DMD: variants seen among roughly 807,000 people sequenced by gnomAD.
DMD encodes dystrophin, also known as mutant dystrophin.
A neutral mutation model predicts 330.1 loss-of-function variants in DMD; 63 were observed. The ratio of observed to expected loss-of-function variants is 0.19; its 90% confidence interval spans 0.16 to 0.24. The LOEUF is 0.24. Ranked by LOEUF, DMD falls within the 10% of genes least tolerant of loss-of-function variation. The pLI is 1.00. For synonymous variants in DMD, 1,223 were observed against 959.8 expected, an observed-to-expected ratio of 1.27 and a Z score of -5.07; for missense variants, 3,344 against 2,684.1, an observed-to-expected ratio of 1.25 and a Z score of -5.43.
At position 32,001,097 on chromosome X, in the gene DMD, G is replaced by T. The variant is rs375579370; in HGVS notation, c.6439-32583C>A. ...TGCTTTTACCTATCAGTGGTTTCCA[G>T]GGGCTGGGGTGGGGCAGGAGACTGA... On this transcript the variant is annotated intron_variant, in intron 44 of 78. Transcript: ENST00000357033. Among the ~76,000 whole-genome samples, 4 of 111,499 alleles carry T rather than the reference G, an allele frequency of 3.6e-5. No individual in the cohort carries two copies. The East Asian group carries it at 1.1e-3, about 32-fold the overall frequency.
chrX:31,161,821 T>C (rs2038846035), intron 74 of DMD, among the ~76,000 whole-genome samples: 1 of 111,581 alleles, frequency 9.0e-6, no homozygotes, highest in South Asian at 3.8e-4. Flanking sequence ...CACCTGCTTA[T>C]AGGATAAAAC....
intron 7 of DMD, among the ~76,000 whole-genome samples, chrX:32,704,328 G>T (rs1248951576): frequency 1.1e-5 from 1 of 90,281 alleles, no homozygotes; most frequent in Non-Finnish European, 1.9e-5. Flanking sequence ...CTCACCCCAA[G>T]AAAGTCAATG....
chrX:32,731,343 C>T (rs1365788837), intron 7 of DMD, among the ~76,000 whole-genome samples: 2 of 112,463 alleles, frequency 1.8e-5, no homozygotes, highest in Non-Finnish European at 3.8e-5. Context: ...GGAGGGGCAC[C>T]CGCCATTGCC....
chrX:31,203,589 C>G (rs2043751551), intron 67 of DMD, among the ~76,000 whole-genome samples: 1 of 112,057 alleles, frequency 8.9e-6, no homozygotes, highest in African/African-American at 3.2e-5. Flanking sequence ...TGAAAGGAGG[C>G]TATAATGATA....
In DMD at chrX:32,484,959, G is replaced by C. The variant is rs1388980111; in HGVS notation, c.2763C>G (p.Val921=). ...FVAFTNHFKQ[V]FSDVQAREKE... Reference sequence around the variant, plus strand: ...TCTCTCTGGCCTGCACATCAGAAAAGACTTGCTTAAAATGATTTGTAAAGG... The same window carrying C: ...TCTCTCTGGCCTGCACATCAGAAAACACTTGCTTAAAATGATTTGTAAAGG... Residue 921 remains valine, a synonymous_variant, in exon 21 of 79, where the codon GTC becomes GTG. Transcript: ENST00000357033. 8.3e-7 allele frequency: 1 copy of C among 1,211,445 alleles called. No individual in the cohort carries two copies. The highest frequency in any genetic ancestry group is 1.1e-6 in the Non-Finnish European group (1 of 895,391).
intron 34 of DMD, among the ~76,000 whole-genome samples, chrX:32,367,121 A>C (rs1262306380): frequency 8.9e-6 from 1 of 112,054 alleles, no homozygotes; most frequent in Admixed American, 9.5e-5. Context: ...GAAGTCTCTC[A>C]TTTGGGTAGA....
chrX:32,656,818 T>G (rs186811634), intron 9 of DMD, among the ~76,000 whole-genome samples: 4 of 112,069 alleles, frequency 3.6e-5, no homozygotes, highest in African/African-American at 1.3e-4. Flanking sequence ...ATTTCTTATT[T>G]AAGGTCATTT....
chrX:31,543,146 T>A (rs1213808432), intron 55 of DMD, among the ~76,000 whole-genome samples: 5 of 110,353 alleles, frequency 4.5e-5, no homozygotes, highest in African/African-American at 6.6e-5. Flanking sequence ...GTTTTTTTTT[T>A]AATTTATTTT....
intron 2 of DMD, among the ~76,000 whole-genome samples, chrX:32,872,018 G>A (rs190270573): frequency 9.0e-5 from 10 of 110,906 alleles, no homozygotes; most frequent in Non-Finnish European, 1.5e-4. Context: ...AAAAGGACAC[G>A]AGAGAGGACA....
chrX:31,964,492 G>T (rs1189029579), intron 45 of DMD, among the ~76,000 whole-genome samples: 1 of 111,029 alleles, frequency 9.0e-6, no homozygotes, highest in African/African-American at 3.3e-5. Context: ...ATAATAAACA[G>T]GCATGGTTAT....
chrX:31,249,278 G>A (rs1217134894), intron 63 of DMD, among the ~76,000 whole-genome samples: 1 of 111,504 alleles, frequency 9.0e-6, no homozygotes, highest in Admixed American at 9.5e-5. Flanking sequence ...GTCTCACTCT[G>A]TTGCCCAGGC....
At chrX:32,273,481 T>A (rs1415995421) in intron 43 of DMD, among the ~76,000 whole-genome samples, 1 of 94,644 alleles carries the variant, frequency 1.1e-5, no homozygotes, top group Non-Finnish European at 2.0e-5. Context: ...TGAAGACTGT[T>A]AGTTCTCTTC....
At chrX:32,253,066 A>C (rs73219285) in intron 43 of DMD, among the ~76,000 whole-genome samples, 11,143 of 102,901 alleles carry the variant, frequency 0.11, 666 homozygotes, top group Admixed American at 0.15. Flanking sequence ...GAGGGAAAAC[A>C]GTTTTATCTA....
At chrX:31,176,495 C>G (rs1292916989) in intron 71 of DMD, among the ~76,000 whole-genome samples, 1 of 111,333 alleles carries the variant, frequency 9.0e-6, no homozygotes, top group Non-Finnish European at 1.9e-5. Flanking sequence ...CTACTTTTAT[C>G]TATGTATTTG....
intron 2 of DMD, among the ~76,000 whole-genome samples, chrX:32,999,613 T>C (rs2093219907): frequency 9.1e-6 from 1 of 110,342 alleles, no homozygotes; most frequent in Middle Eastern, 4.7e-3. Context: ...CCGCCTCTAC[T>C]AAAAATACAA....
At chrX:31,378,573 T>C (rs1244700703) in intron 60 of DMD, among the ~76,000 whole-genome samples, 6 of 110,210 alleles carry the variant, frequency 5.4e-5, no homozygotes, top group African/African-American at 2.0e-4. Context: ...ATTTCAGAGG[T>C]GTCTGACCAC....
chrX:33,200,914 T>C (rs2051223992), intron 1 of DMD, among the ~76,000 whole-genome samples: 1 of 97,453 alleles, frequency 1.0e-5, no homozygotes, highest in African/African-American at 3.7e-5. Context: ...ACGCACATGA[T>C]AATCAATAGA....
At chrX:32,706,256 A>G (rs2064636357) in intron 7 of DMD, among the ~76,000 whole-genome samples, 1 of 84,635 alleles carries the variant, frequency 1.2e-5, no homozygotes, top group South Asian at 7.8e-4. Flanking sequence ...GGGGGGAGGG[A>G]TAGCATTAGG....
Position 31,518,852 on chromosome X carries a change from T to C in DMD, c.8218-11399A>G, listed in dbSNP as rs977563320. On this transcript the variant is annotated intron_variant, in intron 55 of 78. Coordinates refer to ENST00000357033, the MANE Select transcript of DMD (RefSeq NM_004006.3). ...GGCAGAAGCAGGGTTAGAGCATAGA[T>C]CTTCCTGAAACTAGGTTATTTTTAT... is the stretch of plus-strand genomic sequence containing the variant. Among the ~76,000 whole-genome samples, 3 of 111,352 alleles carry C rather than the reference T, an allele frequency of 2.7e-5. No individual in the cohort carries two copies. In the Admixed American group the frequency reaches 2.9e-4, roughly 11 times the overall value.
Sources: gnomAD v4.1 joint callset for allele counts (sites outside exome capture counted in the v4.1 genomes callset) on GRCh38, gnomAD v4.1.1 for gene constraint, MANE v1.5 for transcripts, NCBI Gene and HGNC (gene_info 2026-07-23, HGNC 2026-07-21) for gene names.